IQCE: variants seen among roughly 807,000 people sequenced by gnomAD.
IQCE encodes the protein IQ motif containing E, also known as IQ domain-containing protein E.
Under a neutral mutation model 96.0 loss-of-function variants are expected in IQCE, and 115 were observed. That is an observed-to-expected ratio of 1.20 (90% CI 1.03 to 1.40). The LOEUF is 1.40. IQCE is among the 40% of genes most tolerant of loss of function. The pLI, the probability that IQCE is intolerant of heterozygous loss-of-function variation, is 0.00. For missense variants in IQCE, 1,041 were observed against 909.1 expected, an observed-to-expected ratio of 1.15 and a Z score of -1.87; for synonymous variants, 412 against 371.2, an observed-to-expected ratio of 1.11 and a Z score of -1.26.
At chr7:2,597,551 C>T (rs1440305798) in intron 16 of IQCE, among the ~76,000 whole-genome samples, 1 of 152,274 alleles carries the variant, frequency 6.6e-6, no homozygotes, top group Non-Finnish European at 1.5e-5. Flanking sequence ...GGAGGGCTTT[C>T]AGCAACAGCG....
intron 11 of IQCE, chr7:2,584,593 T>A (rs1583450758): frequency 6.0e-6 from 2 of 333,218 alleles, no homozygotes; most frequent in East Asian, 1.1e-4. Flanking sequence ...GAGCCACCTT[T>A]TTAGGAAGAC....
At chr7:2,599,382 G>A (rs1327649542) in intron 17 of IQCE, among the ~76,000 whole-genome samples, 4 of 152,052 alleles carry the variant, frequency 2.6e-5, no homozygotes, top group African/African-American at 7.2e-5. Context: ...TTTTGGTAGA[G>A]ACAGGATTTC....
chr7:2,572,176 T>C lies in IQCE; in HGVS notation c.260-16T>C, dbSNP rs753355891. On this transcript the variant is annotated splice_polypyrimidine_tract_variant and intron_variant, in intron 4 of 21. Transcript: ENST00000402050. ...GCTTGTATCTGTCATATTAAACCCATGCACATTCAAACCAGGAAGTCTGAC... is the reference window on the plus strand; with the variant it reads ...GCTTGTATCTGTCATATTAAACCCACGCACATTCAAACCAGGAAGTCTGAC... 3.1e-6 allele frequency: 5 copies of C among 1,609,848 alleles called. No homozygotes were observed. Among genetic ancestry groups the C allele is most frequent in the Middle Eastern group, 1.7e-4 (1 of 6,040 alleles).
rs1024919481 is a variant in IQCE, at chr7:2,598,363, A to G, written c.1441-102A>G. ...TCCACATTAGTGAGACTCACCTGAT[A>G]AGCGCAGCCGCACCATGCCGGGTAA... On this transcript the variant is annotated intron_variant, in intron 16 of 21. Transcript: ENST00000402050. The G allele has an allele frequency of 1.0e-5, 12 of 1,171,812 alleles. No homozygotes were observed. In the South Asian group the frequency reaches 1.4e-4, roughly 14 times the overall value. The allele number at this position is 1,171,812 out of a possible 1,614,324, so 72.6% of individuals were successfully genotyped here.
intron 19 of IQCE, 50 bp from the exon 20 acceptor site, chr7:2,605,826 C>A: frequency 6.8e-7 from 1 of 1,477,438 alleles, no homozygotes; most frequent in South Asian, 1.3e-5. Context: ...TGCTGGGAGC[C>A]AGCAGGGGGC....
At chr7:2,569,103 C>T (rs1473649678) in intron 3 of IQCE, 104 bp downstream of exon 3, 25 of 1,105,094 alleles carry the variant, frequency 2.3e-5, no homozygotes, top group Admixed American at 6.0e-5. Context: ...TGAGACCTGA[C>T]GCCTCAGCCA....
At position 2,610,337 on chromosome 7, in the gene IQCE, C is replaced by G; in HGVS notation, c.*175C>G. ...GTGGAAGGAGACCCAAATGCCTTTA[C>G]TTTATTCTCTGGGGAGGGCCAGCGG... On this transcript the variant is annotated 3_prime_UTR_variant, in exon 22 of 22. Transcript: ENST00000402050. 3.5e-6 allele frequency: 2 copies of G among 573,874 alleles called. No individual in the cohort carries two copies. The highest frequency in any genetic ancestry group is 6.3e-6 in the Non-Finnish European group (2 of 318,132). 35.5% of individuals were successfully genotyped at this position (573,874 alleles called of 1,614,324 possible). A position where few individuals can be genotyped will look rare whatever the true frequency, so the allele number is the denominator to read the frequency against.
At chr7:2,566,001 C>T (rs1781344234) in intron 1 of IQCE, among the ~76,000 whole-genome samples, 1 of 152,178 alleles carries the variant, frequency 6.6e-6, no homozygotes, top group Non-Finnish European at 1.5e-5. Context: ...ACTTCATGTA[C>T]TATTAGCCTT....
chr7:2,579,286 C>A (rs904825094), intron 8 of IQCE, among the ~76,000 whole-genome samples: 1 of 151,812 alleles, frequency 6.6e-6, no homozygotes. Context: ...GGAAGAAAAC[C>A]GAAAGGGATA....
intron 3 of IQCE, 127 bp downstream of exon 3, chr7:2,569,126 C>A (rs1583398979): frequency 1.2e-6 from 1 of 839,766 alleles, no homozygotes; most frequent in South Asian, 1.5e-5. Flanking sequence ...TGGCCCCATT[C>A]CCACTGGGGT....
chr7:2,588,009 G>T (rs56005128), intron 13 of IQCE, 132 bp downstream of exon 13: 10 of 830,094 alleles, frequency 1.2e-5, no homozygotes, highest in Non-Finnish European at 2.0e-5. Flanking sequence ...CACACAGACC[G>T]CAAGGAGACT....
At chr7:2,595,613 T>A (rs964065914) in intron 16 of IQCE, among the ~76,000 whole-genome samples, 1 of 151,998 alleles carries the variant, frequency 6.6e-6, no homozygotes, top group Non-Finnish European at 1.5e-5. Context: ...GGTCCCTGGC[T>A]CTCTGCTGCC....
chr7:2,607,082 C>G, intron 20 of IQCE, 42 bp from the exon 21 acceptor site: 1 of 1,546,590 alleles, frequency 6.5e-7, no homozygotes, highest in Non-Finnish European at 8.7e-7. Flanking sequence ...GGTTTGTACT[C>G]TCTAAAAGCA....
chr7:2,569,000 G>C lies in IQCE; in HGVS notation c.130+1G>C. 2 of 1,613,906 alleles carry C rather than the reference G, an allele frequency of 1.2e-6. No homozygotes were observed. The highest frequency in any genetic ancestry group is 1.7e-6 in the Non-Finnish European group (2 of 1,179,896). ...CACAAACCTCCACCCACATCGCCAA[G>C]TAAGTATGACGAGGCCTGCCTTCCC... On this transcript the variant is annotated splice_donor_variant, in intron 3 of 21. Transcript: ENST00000402050. LOFTEE classifies it high-confidence loss of function.
At chr7:2,595,316 A>G (rs941569349) in intron 16 of IQCE, among the ~76,000 whole-genome samples, 6 of 152,292 alleles carry the variant, frequency 3.9e-5, no homozygotes, top group South Asian at 2.1e-4. Context: ...CGAAGGCTCA[A>G]CCAGGCCCCT....
intron 21 of IQCE, chr7:2,607,470 T>C: frequency 7.6e-7 from 1 of 1,310,874 alleles, no homozygotes; most frequent in Non-Finnish European, 9.7e-7. Context: ...TATTTTTTGC[T>C]CTCAGCTCCA....
intron 20 of IQCE, among the ~76,000 whole-genome samples, chr7:2,606,704 A>T (rs1473169949): frequency 6.6e-6 from 1 of 152,004 alleles, no homozygotes; most frequent in Non-Finnish European, 1.5e-5. Flanking sequence ...ACCCCATGTG[A>T]CCTGGGACAC....
At chr7:2,578,888 C>T (rs891794982) in intron 8 of IQCE, among the ~76,000 whole-genome samples, 1 of 152,174 alleles carries the variant, frequency 6.6e-6, no homozygotes, top group African/African-American at 2.4e-5. Context: ...TTGTGAAACC[C>T]TGTCTCTACT....
At chr7:2,591,581 G>C (rs1187704864) in intron 14 of IQCE, among the ~76,000 whole-genome samples, 1 of 151,668 alleles carries the variant, frequency 6.6e-6, no homozygotes, top group Non-Finnish European at 1.5e-5. Context: ...CCAGCCTTCG[G>C]AATCATACTC....
Sources: gnomAD v4.1 joint callset for allele counts (sites outside exome capture counted in the v4.1 genomes callset) on GRCh38, gnomAD v4.1.1 for gene constraint, MANE v1.5 for transcripts, NCBI Gene and HGNC (gene_info 2026-07-23, HGNC 2026-07-21) for gene names.